Variants in FRMPD4 observed in about 807,000 individuals in gnomAD.
The protein encoded by FRMPD4 is FERM and PDZ domain containing 4.
FRMPD4 carries 22 observed loss-of-function variants against 94.1 expected under a neutral mutation model. The ratio of observed to expected loss-of-function variants is 0.23; its 90% CI spans 0.17 to 0.33. The LOEUF (loss-of-function observed/expected upper bound fraction) is 0.33. Ranked by LOEUF, FRMPD4 falls within the 10% of genes least tolerant of loss-of-function variation. The pLI, the probability that FRMPD4 is intolerant of heterozygous loss-of-function variation, is 1.00. For missense variants in FRMPD4, 1,111 were observed against 1,339.9 expected (o/e 0.83, Z 2.67); for synonymous variants, 631 against 548.6 (o/e 1.15, Z -2.10).
chrX:12,135,848 T>C (rs2055591357), upstream of FRMPD4, among the ~76,000 whole-genome samples: 1 of 112,030 alleles, frequency 8.9e-6, no homozygotes, highest in Non-Finnish European at 1.9e-5. Context: ...AGGAAGCACT[T>C]TTTCAAAACA....
At chrX:12,064,253 T>C (rs1375550425) in intron 3 of FRMPD4, among the ~76,000 whole-genome samples, 1 of 112,646 alleles carries the variant, frequency 8.9e-6, no homozygotes, top group East Asian at 2.8e-4. Context: ...TCACTGACAT[T>C]GCACAAATGA....
chrX:12,493,847 C>T (rs953949209), intron 1 of FRMPD4, among the ~76,000 whole-genome samples: 1 of 112,145 alleles, frequency 8.9e-6, no homozygotes, highest in Non-Finnish European at 1.9e-5. Context: ...ACACAATGTA[C>T]CATTTGATGA....
At chrX:12,355,962 T>G (rs1036081777) in intron 1 of FRMPD4, among the ~76,000 whole-genome samples, 3 of 111,668 alleles carry the variant, frequency 2.7e-5, no homozygotes, top group Non-Finnish European at 5.7e-5. Context: ...ACAGAAAGAC[T>G]GGGGACGTGG....
intron 1 of FRMPD4, among the ~76,000 whole-genome samples, chrX:11,830,048 A>G (rs1232280573): frequency 5.4e-5 from 6 of 111,519 alleles, no homozygotes; most frequent in African/African-American, 2.0e-4. Flanking sequence ...ACCAAGAGAC[A>G]TTGCCTATGG....
chrX:12,617,799 T>C (rs1041199813), intron 4 of FRMPD4, among the ~76,000 whole-genome samples: 3 of 111,240 alleles, frequency 2.7e-5, no homozygotes, highest in African/African-American at 9.8e-5. Context: ...TTTTCCCCCA[T>C]TGCAGCATGT....
intron 3 of FRMPD4, among the ~76,000 whole-genome samples, chrX:12,056,947 G>A (rs190917817): frequency 2.6e-3 from 295 of 111,778 alleles, no homozygotes; most frequent in African/African-American, 9.2e-3. Flanking sequence ...TAAAATAGAA[G>A]CTTCTTTGAG....
intron 3 of FRMPD4, among the ~76,000 whole-genome samples, chrX:11,916,175 G>A (rs7879603): frequency 9.0e-6 from 1 of 111,135 alleles, no homozygotes; most frequent in South Asian, 3.8e-4. Context: ...GGGCATGGGG[G>A]CAAGAAATTA....
chrX:11,843,116 A>T (rs1437786723), intron 1 of FRMPD4, among the ~76,000 whole-genome samples: 3 of 111,949 alleles, frequency 2.7e-5, no homozygotes, highest in African/African-American at 9.7e-5. Context: ...GATTTCCAAC[A>T]TGTTATATAT....
At chrX:12,707,262 A>G (rs1387643694) in intron 12 of FRMPD4, among the ~76,000 whole-genome samples, 1 of 112,511 alleles carries the variant, frequency 8.9e-6, no homozygotes, top group Non-Finnish European at 1.9e-5. Context: ...ATACTGTGCT[A>G]TAACATTTAC....
intron 1 of FRMPD4, among the ~76,000 whole-genome samples, chrX:12,497,991 G>A (rs2057870817): frequency 1.8e-5 from 2 of 111,189 alleles, no homozygotes; most frequent in Admixed American, 9.5e-5. Context: ...GCTGGGGGAA[G>A]GGTGCCTGCT....
intron 13 of FRMPD4, among the ~76,000 whole-genome samples, chrX:12,709,365 A>G (rs1025789509): frequency 9.0e-6 from 1 of 111,222 alleles, no homozygotes; most frequent in African/African-American, 3.3e-5. Flanking sequence ...TTTCTCTCTC[A>G]CTCACTTTTT....
At chrX:12,243,080 CTA>C (rs2053900301) in intron 1 of FRMPD4, among the ~76,000 whole-genome samples, 1 of 112,068 alleles carries the variant, frequency 8.9e-6, no homozygotes. Context: ...TGGGATCTCT[CTA>C]TGTTACCCAG....
intron 1 of FRMPD4, among the ~76,000 whole-genome samples, chrX:12,217,946 G>A (rs750704403): frequency 8.9e-6 from 1 of 111,771 alleles, no homozygotes; most frequent in African/African-American, 3.2e-5. Flanking sequence ...ATCACATGGT[G>A]AATTTTAGTA....
chrX:11,866,613 A>G (rs1285560283), intron 2 of FRMPD4, among the ~76,000 whole-genome samples: 1 of 112,335 alleles, frequency 8.9e-6, no homozygotes, highest in Non-Finnish European at 1.9e-5. Context: ...GTATATGTAT[A>G]TAGATCATTA....
At chrX:12,016,967 A>G (rs753809408) in intron 3 of FRMPD4, among the ~76,000 whole-genome samples, 1 of 111,945 alleles carries the variant, frequency 8.9e-6, no homozygotes, top group South Asian at 3.7e-4. Context: ...TTCTTTCCCC[A>G]TTGACTAGGC....
At chrX:12,417,752 G>A (rs2056824589) in intron 1 of FRMPD4, among the ~76,000 whole-genome samples, 1 of 108,786 alleles carries the variant, frequency 9.2e-6, no homozygotes, top group Non-Finnish European at 1.9e-5. Flanking sequence ...GCTCAAGCCT[G>A]TAATCCCAGC....
At chrX:12,038,505 G>A (rs1297647902) in intron 3 of FRMPD4, among the ~76,000 whole-genome samples, 1 of 111,933 alleles carries the variant, frequency 8.9e-6, no homozygotes, top group Non-Finnish European at 1.9e-5. Context: ...TCTTTACAGT[G>A]TCTATTGAAG....
At chrX:12,511,151 A>T (rs373520217) in intron 2 of FRMPD4, among the ~76,000 whole-genome samples, 1 of 111,907 alleles carries the variant, frequency 8.9e-6, no homozygotes, top group East Asian at 2.8e-4. Context: ...CCCTGCACAA[A>T]GTCAGACTAT....
chrX:12,030,072 A>T (rs1005257873), intron 3 of FRMPD4, among the ~76,000 whole-genome samples: 1 of 111,865 alleles, frequency 8.9e-6, no homozygotes, highest in African/African-American at 3.2e-5. Context: ...CCCTAACAGC[A>T]CCACTGTGTT....
Sources: allele counts gnomAD v4.1 joint callset (sites outside exome capture counted in the v4.1 genomes callset), GRCh38; gene constraint gnomAD v4.1.1; transcripts MANE v1.5; gene names NCBI Gene and HGNC (gene_info 2026-07-23, HGNC 2026-07-21).